Variants in SCAMP1 observed in about 807,000 individuals in gnomAD.
SCAMP1 encodes secretory carrier-associated membrane protein 1.
A neutral mutation model predicts 41.8 loss-of-function variants in SCAMP1; 15 were observed. The ratio of observed to expected loss-of-function variants is 0.36; its 90% CI spans 0.24 to 0.55. SCAMP1 has a LOEUF of 0.55. SCAMP1 is among the 20% of genes least tolerant of loss of function. The pLI, the probability that SCAMP1 is intolerant of heterozygous loss-of-function variation, is 0.86. For missense variants in SCAMP1, 341 were observed against 412.6 expected (o/e 0.83, Z 1.50); for synonymous variants, 135 against 136.8 (o/e 0.99, Z 0.09).
At chr5:78,453,081 A>G (rs1000730221) in intron 7 of SCAMP1, among the ~76,000 whole-genome samples, 53 of 149,388 alleles carry the variant, frequency 3.5e-4, no homozygotes, top group Non-Finnish European at 6.7e-4. Flanking sequence ...GATTCTGGAT[A>G]TTAGCCCTTT....
chr5:78,419,931 A>G (rs1209933044), intron 5 of SCAMP1, among the ~76,000 whole-genome samples: 1 of 152,214 alleles, frequency 6.6e-6, no homozygotes, highest in Non-Finnish European at 1.5e-5. Context: ...TCAGTAGTAT[A>G]TATTTTTAAT....
At chr5:78,388,508 G>A (rs1356680604) in intron 1 of SCAMP1, among the ~76,000 whole-genome samples, 1 of 152,216 alleles carries the variant, frequency 6.6e-6, no homozygotes, top group Non-Finnish European at 1.5e-5. Flanking sequence ...GAGGCCAAAG[G>A]AAATGATGGT....
chr5:78,451,222 C>A (rs959904560), intron 7 of SCAMP1, among the ~76,000 whole-genome samples: 1 of 152,052 alleles, frequency 6.6e-6, no homozygotes, highest in Non-Finnish European at 1.5e-5. Flanking sequence ...TTAAGATAGA[C>A]CCTCATGTAG....
chr5:78,454,521 C>G (rs1391067296), intron 7 of SCAMP1, among the ~76,000 whole-genome samples: 3 of 151,832 alleles, frequency 2.0e-5, no homozygotes, highest in Non-Finnish European at 4.4e-5. Flanking sequence ...CCTTGCATCC[C>G]AGGGATGAAG....
intron 6 of SCAMP1, among the ~76,000 whole-genome samples, chr5:78,439,132 G>A (rs1752849392): frequency 6.6e-6 from 1 of 152,178 alleles, no homozygotes; most frequent in Non-Finnish European, 1.5e-5. Flanking sequence ...TGGGTCTCCT[G>A]AATACAGCAC....
At chr5:78,395,314 C>G (rs371088959) in intron 2 of SCAMP1, among the ~76,000 whole-genome samples, 3 of 152,242 alleles carry the variant, frequency 2.0e-5, no homozygotes, top group South Asian at 2.1e-4. Context: ...CTCATGAACC[C>G]CCGACCCTAT....
intron 2 of SCAMP1, among the ~76,000 whole-genome samples, chr5:78,396,526 A>G (rs893254191): frequency 1.3e-5 from 2 of 152,224 alleles, no homozygotes; most frequent in Admixed American, 1.3e-4. Context: ...AGACATGTTT[A>G]GTAAGCAGTT....
At chr5:78,443,856 G>C (rs910837124) in intron 6 of SCAMP1, among the ~76,000 whole-genome samples, 1 of 151,668 alleles carries the variant, frequency 6.6e-6, no homozygotes, top group Non-Finnish European at 1.5e-5. Flanking sequence ...AGGTCTTACT[G>C]TATTGCCCCA....
chr5:78,453,880 T>G (rs1753310601), intron 7 of SCAMP1, among the ~76,000 whole-genome samples: 1 of 151,866 alleles, frequency 6.6e-6, no homozygotes, highest in South Asian at 2.1e-4. Context: ...GGTTTGTAGT[T>G]CTCCTTGAAG....
At position 78,436,008 on chromosome 5, in the gene SCAMP1, G is replaced by T. The variant is rs1194121019; in HGVS notation, c.633-13925G>T. Among the ~76,000 whole-genome samples the T allele has an allele frequency of 1.3e-5, 2 of 152,086 alleles. 1 individual carries two copies. Among genetic ancestry groups the T allele is most frequent in the African/African-American group, 4.8e-5 (2 of 41,418 alleles). The stretch of plus-strand genomic sequence containing the variant: ...TGAGCATTTTTTCATGTATCTTTTG[G>T]CTGCATAAATGTCTTCTTTTGAAAA... On this transcript the variant is annotated intron_variant, in intron 6 of 8. Transcript: ENST00000621999.
chr5:78,377,259 G>A (rs1224781899), intron 1 of SCAMP1, among the ~76,000 whole-genome samples: 4 of 152,118 alleles, frequency 2.6e-5, no homozygotes, highest in Admixed American at 2.0e-4. Context: ...AGTAATTGCT[G>A]TTCCCCTCAG....
At chr5:78,369,693 A>G (rs1481537257) in intron 1 of SCAMP1, among the ~76,000 whole-genome samples, 2 of 152,236 alleles carry the variant, frequency 1.3e-5, no homozygotes, top group Non-Finnish European at 2.9e-5. Flanking sequence ...TGTGAAGTAC[A>G]GTGAAACTAG....
chr5:78,372,780 A>C (rs1374568150), intron 1 of SCAMP1, among the ~76,000 whole-genome samples: 2 of 152,186 alleles, frequency 1.3e-5, no homozygotes. Flanking sequence ...TGTTAATACC[A>C]AAAAGTTTGA....
intron 6 of SCAMP1, among the ~76,000 whole-genome samples, chr5:78,440,466 T>C (rs1056075170): frequency 3.9e-5 from 6 of 152,226 alleles, no homozygotes; most frequent in Non-Finnish European, 4.4e-5. Context: ...TGGAGTTTGC[T>C]GGAGGTCCAC....
intron 8 of SCAMP1, among the ~76,000 whole-genome samples, chr5:78,465,740 A>T (rs1457266774): frequency 6.6e-6 from 1 of 152,194 alleles, no homozygotes; most frequent in Non-Finnish European, 1.5e-5. Context: ...AGAAAGAATG[A>T]AAAGGTTAAT....
chr5:78,425,606 C>T (rs1160237153), intron 6 of SCAMP1, among the ~76,000 whole-genome samples: 1 of 151,542 alleles, frequency 6.6e-6, no homozygotes, highest in African/African-American at 2.4e-5. Context: ...AAATAAAGAC[C>T]TGTTTTAATC....
chr5:78,364,771 T>G (rs544749741), intron 1 of SCAMP1, among the ~76,000 whole-genome samples: 77 of 152,120 alleles, frequency 5.1e-4, no homozygotes, highest in Non-Finnish European at 8.7e-4. Context: ...GGAAAGTTAC[T>G]TAACCTCTTT....
At chr5:78,448,199 G>GT (rs1251064356) in intron 6 of SCAMP1, among the ~76,000 whole-genome samples, 120 of 66,150 alleles carry the variant, frequency 1.8e-3, no homozygotes, top group Middle Eastern at 9.3e-3. Context: ...GTTTTTTTTT[G>GT]TTTTTTTTTA....
chr5:78,361,937 A>G (rs910057262), intron 1 of SCAMP1, among the ~76,000 whole-genome samples: 3 of 152,192 alleles, frequency 2.0e-5, no homozygotes, highest in Admixed American at 6.5e-5. Flanking sequence ...GGATTATTTT[A>G]ATGAAATGAC....
Sources: allele counts gnomAD v4.1 joint callset (sites outside exome capture counted in the v4.1 genomes callset), GRCh38; gene constraint gnomAD v4.1.1; transcripts MANE v1.5; gene names NCBI Gene and HGNC (gene_info 2026-07-23, HGNC 2026-07-21).